Variants in PEBP4 observed in about 807,000 individuals in gnomAD.
The protein encoded by PEBP4 is phosphatidylethanolamine binding protein 4.
In PEBP4, 22 loss-of-function variants were observed where a neutral mutation model predicts 23.9. The ratio of observed to expected loss-of-function variants is 0.92; its 90% CI spans 0.66 to 1.31. The LOEUF (loss-of-function observed/expected upper bound fraction) is 1.31. Ranked by LOEUF, PEBP4 falls within the 40% of genes most tolerant of loss-of-function variation. PEBP4 has a pLI of 0.00. For synonymous variants in PEBP4, 112 were observed against 99.3 expected, an observed-to-expected ratio of 1.13 and a Z score of -0.76; for missense variants, 324 against 281.7, an observed-to-expected ratio of 1.15 and a Z score of -1.07.
intron 3 of PEBP4, among the ~76,000 whole-genome samples, chr8:22,916,405 G>A (rs529715493): frequency 3.3e-5 from 5 of 152,168 alleles, no homozygotes; most frequent in East Asian, 1.9e-4. Flanking sequence ...TAGCTGGCAC[G>A]GGAGCCAGCC....
chr8:22,713,683 C>T (rs976319586), intron 6 of PEBP4, 147 bp from the exon 7 acceptor site: 19 of 1,141,670 alleles, frequency 1.7e-5, no homozygotes, highest in African/African-American at 3.1e-5. Context: ...GGGGAGCTTC[C>T]GGCTCCTGTT....
intron 4 of PEBP4, among the ~76,000 whole-genome samples, chr8:22,739,437 G>A (rs1467163571): frequency 2.0e-5 from 3 of 152,170 alleles, no homozygotes; most frequent in Non-Finnish European, 4.4e-5. Flanking sequence ...CAGTCTTTCC[G>A]GCTGGGTGGC....
intron 3 of PEBP4, among the ~76,000 whole-genome samples, chr8:22,819,584 G>A (rs1057184955): frequency 6.6e-6 from 1 of 151,964 alleles, no homozygotes; most frequent in Admixed American, 6.6e-5. Context: ...GGAAAGAAGA[G>A]TCAAGATTGT....
chr8:22,721,453 C>T (rs776262037), intron 6 of PEBP4, among the ~76,000 whole-genome samples: 4 of 152,094 alleles, frequency 2.6e-5, no homozygotes, highest in Non-Finnish European at 5.9e-5. Flanking sequence ...ATGCCATCCC[C>T]ACATCCCCCT....
At chr8:22,766,489 G>A (rs1382410548) in intron 4 of PEBP4, among the ~76,000 whole-genome samples, 1 of 152,216 alleles carries the variant, frequency 6.6e-6, no homozygotes, top group African/African-American at 2.4e-5. Context: ...AATTTCTGAA[G>A]GGGCATTCTT....
chr8:22,795,397 G>A (rs1293911706), intron 4 of PEBP4, among the ~76,000 whole-genome samples: 4 of 151,392 alleles, frequency 2.6e-5, no homozygotes, highest in African/African-American at 9.7e-5. Flanking sequence ...GGATGGTCTC[G>A]ATCTCCTGAC....
chr8:22,936,247 T>C (rs1020389037), intron 1 of PEBP4, among the ~76,000 whole-genome samples: 1 of 151,372 alleles, frequency 6.6e-6, no homozygotes, highest in Non-Finnish European at 1.5e-5. Flanking sequence ...CTCTAAAATT[T>C]ATAAAAATAA....
chr8:22,843,315 G>A (rs1157396979), intron 3 of PEBP4, among the ~76,000 whole-genome samples: 1 of 152,198 alleles, frequency 6.6e-6, no homozygotes, highest in East Asian at 1.9e-4. Flanking sequence ...TTGCTGGTCT[G>A]GTTAGCAACT....
At position 22,853,805 on chromosome 8, in the gene PEBP4, G is replaced by A. The variant is rs112690910; in HGVS notation, c.259-36070C>T. Among the ~76,000 whole-genome samples, 644 of 152,292 alleles carry A rather than the reference G, an allele frequency of 4.2e-3. 4 individuals are homozygous for A. Among genetic ancestry groups the A allele is most frequent in the African/African-American group, 0.015 (607 of 41,556 alleles). On this transcript the variant is annotated intron_variant, in intron 3 of 6. Transcript: ENST00000256404. ...GTTCTGACCAGGAACTTGTCCGGAC[G>A]AAGGCAAAGAAACGCTTCCTCCAGG... is the stretch of plus-strand genomic sequence containing the variant.
chr8:22,911,829 T>G (rs958616423), intron 3 of PEBP4, among the ~76,000 whole-genome samples: 1 of 152,206 alleles, frequency 6.6e-6, no homozygotes, highest in African/African-American at 2.4e-5. Flanking sequence ...GAGTGCTCCT[T>G]TCAGGTCCCA....
chr8:22,802,613 C>T (rs1166477268), intron 4 of PEBP4, among the ~76,000 whole-genome samples: 1 of 152,238 alleles, frequency 6.6e-6, no homozygotes, highest in East Asian at 1.9e-4. Flanking sequence ...AATAAAGCTT[C>T]AGTGAGTGAC....
At chr8:22,802,833 G>A (rs1475503815) in intron 4 of PEBP4, among the ~76,000 whole-genome samples, 1 of 152,194 alleles carries the variant, frequency 6.6e-6, no homozygotes, top group East Asian at 1.9e-4. Context: ...GCTGCTTAGT[G>A]GAGGATCAAG....
chr8:22,900,997 C>T lies in PEBP4; in HGVS notation c.258+19187G>A, dbSNP rs146731332. Among the ~76,000 whole-genome samples, 1,408 of 152,268 alleles carry T rather than the reference C, an allele frequency of 9.2e-3. 10 individuals are homozygous for T. Among genetic ancestry groups the T allele is most frequent in the Non-Finnish European group, 0.013 (917 of 68,016 alleles). On this transcript the variant is annotated intron_variant, in intron 3 of 6. Coordinates refer to ENST00000256404, the MANE Select transcript of PEBP4 (RefSeq NM_144962.3). ...GACAGCAGCAAGAAGTGACAGATGA[C>T]AGGAGGATGATAAAATGTTTAAAAA...
At chr8:22,787,878 AAAG>A (rs984673238) in intron 4 of PEBP4, among the ~76,000 whole-genome samples, 6 of 152,180 alleles carry the variant, frequency 3.9e-5, no homozygotes, top group African/African-American at 1.2e-4. Context: ...CTCAGCCTTA[AAAG>A]AAGATCTGGG....
intron 3 of PEBP4, among the ~76,000 whole-genome samples, chr8:22,832,957 C>A (rs1475591143): frequency 1.3e-5 from 2 of 151,980 alleles, no homozygotes; most frequent in Non-Finnish European, 2.9e-5. Flanking sequence ...CACTGGACAA[C>A]AAGGGGCAGC....
chr8:22,875,007 C>G (rs988896258), intron 3 of PEBP4, among the ~76,000 whole-genome samples: 4 of 151,910 alleles, frequency 2.6e-5, no homozygotes, highest in Admixed American at 1.3e-4. Context: ...CCTGCCCATC[C>G]TGTTTTCTGG....
At chr8:22,898,766 A>C (rs545504832) in intron 3 of PEBP4, among the ~76,000 whole-genome samples, 185 of 152,236 alleles carry the variant, frequency 1.2e-3, no homozygotes, top group African/African-American at 4.2e-3. Flanking sequence ...GTAACAGAAA[A>C]TGTGTGGTTG....
intron 3 of PEBP4, among the ~76,000 whole-genome samples, chr8:22,893,100 G>C (rs543101557): frequency 6.6e-6 from 1 of 152,190 alleles, no homozygotes; most frequent in Non-Finnish European, 1.5e-5. Flanking sequence ...TTCCCTGAAA[G>C]AAACAGACAG....
At chr8:22,780,693 A>G (rs1297418641) in intron 4 of PEBP4, among the ~76,000 whole-genome samples, 2 of 152,194 alleles carry the variant, frequency 1.3e-5, no homozygotes, top group Non-Finnish European at 1.5e-5. Context: ...GGTCCGGATC[A>G]GCGGACCTTC....
Sources: allele counts gnomAD v4.1 joint callset (sites outside exome capture counted in the v4.1 genomes callset), GRCh38; gene constraint gnomAD v4.1.1; transcripts MANE v1.5; gene names NCBI Gene and HGNC (gene_info 2026-07-23, HGNC 2026-07-21).